GMNC: variants seen among roughly 807,000 people sequenced by gnomAD.
GMNC encodes the protein geminin coiled-coil domain containing, also known as geminin coiled-coil domain-containing protein 1.
Under a neutral mutation model 33.6 loss-of-function variants are expected in GMNC, and 16 were observed. The ratio of observed to expected loss-of-function variants is 0.48; its 90% CI spans 0.32 to 0.72. The LOEUF is 0.72. GMNC is among the 30% of genes least tolerant of loss of function. The probability of loss-of-function intolerance (pLI) is 0.03; values close to 1 mark genes in which losing one functional copy is unlikely to be tolerated. For synonymous variants in GMNC, 156 were observed against 147.3 expected (o/e 1.06, Z -0.43); for missense variants, 393 against 388.9 (o/e 1.01, Z -0.09).
downstream of GMNC, among the ~76,000 whole-genome samples, chr3:190,850,978 A>C (rs892354032): frequency 4.6e-5 from 7 of 152,112 alleles, no homozygotes; most frequent in African/African-American, 1.7e-4. Context: ...AGGAAAAAAA[A>C]ATACCACTGT....
At chr3:190,846,182 T>TGCATCACTGCACTCCAACCTG in the GMNC span, among the ~76,000 whole-genome samples, 1 of 151,948 alleles carries the variant, frequency 6.6e-6, no homozygotes, top group African/African-American at 2.4e-5. Flanking sequence ...TAGCCAAGAT[T>TGCATCACTGCACTCCAACCTG]GCATCACTGC....
At position 190,854,540 on chromosome 3, in the gene GMNC, A is replaced by C. The variant is rs933577636; in HGVS notation, c.*755T>G. ...ACTAGTTTTGTTACCACAGTCCCTC[A>C]AAATGTTCTTCTTGGAGTCATGTTG... is the stretch of plus-strand genomic sequence containing the variant. On this transcript the variant is annotated 3_prime_UTR_variant, in exon 5 of 5. Transcript: ENST00000442080. 5 of 152,208 alleles carry C rather than the reference A, an allele frequency of 3.3e-5. No homozygotes were observed. The highest frequency in any genetic ancestry group is 2.9e-5 in the Non-Finnish European group (2 of 68,042). 9.4% of individuals were successfully genotyped at this position (152,208 alleles called of 1,614,324 possible). A position where few individuals can be genotyped will look rare whatever the true frequency, so the allele number is the denominator to read the frequency against.
rs573191658 is a variant in GMNC, at chr3:190,859,298, A to G, written c.179-282T>C. On this transcript the variant is annotated intron_variant, in intron 2 of 4. Coordinates refer to ENST00000442080, the MANE Select transcript of GMNC (RefSeq NM_001146686.3). ...CCTAATATATGTATTCCTGCTGGATAAATTAAAGACTGTCCAGTCTTTGTC... is the reference window on the plus strand; with the variant it reads ...CCTAATATATGTATTCCTGCTGGATGAATTAAAGACTGTCCAGTCTTTGTC... Among the ~76,000 whole-genome samples, 20 of 152,318 alleles carry G rather than the reference A, an allele frequency of 1.3e-4. 1 individual carries two copies. The South Asian group carries it at 4.1e-3, about 32-fold the overall frequency.
At position 190,853,701 on chromosome 3, in the gene GMNC, T is replaced by A. The variant is rs1017213693; in HGVS notation, c.*1594A>T. On this transcript the variant is annotated 3_prime_UTR_variant, in exon 5 of 5. Coordinates refer to ENST00000442080, the MANE Select transcript of GMNC (RefSeq NM_001146686.3). Reference sequence around the variant, plus strand: ...AGAAAAATGAGAACAGGTTTCAACATGAAAGATTTCATCATTAATTGAAGT... The same window carrying A: ...AGAAAAATGAGAACAGGTTTCAACAAGAAAGATTTCATCATTAATTGAAGT... 1 of 152,054 alleles carries A rather than the reference T, an allele frequency of 6.6e-6. No individual in the cohort carries two copies. The highest frequency in any genetic ancestry group is 2.4e-5 in the African/African-American group (1 of 41,398). 9.4% of individuals were successfully genotyped at this position (152,054 alleles called of 1,614,324 possible). A position where few individuals can be genotyped will look rare whatever the true frequency, so the allele number is the denominator to read the frequency against.
In GMNC at chr3:190,855,935, A is replaced by C. The variant is rs1474593181; in HGVS notation, c.385-20T>G. The C allele has an allele frequency of 6.7e-7, 1 of 1,500,192 alleles. No homozygotes were observed. Among genetic ancestry groups the C allele is most frequent in the Non-Finnish European group, 8.9e-7 (1 of 1,123,054 alleles). The allele number at this position is 1,500,192 out of a possible 1,614,324, so 92.9% of individuals were successfully genotyped here. A position where few individuals can be genotyped will look rare whatever the true frequency, so the allele number is the denominator to read the frequency against. ...CAATTTCTAGGGAAGTGATATTTGA[A>C]AGTTATACTTTTTTCATATATTTAC... On this transcript the variant is annotated intron_variant, in intron 4 of 4. Coordinates refer to ENST00000442080, the MANE Select transcript of GMNC (RefSeq NM_001146686.3).
At chr3:190,849,202 T>G (rs1577907614), downstream of GMNC, among the ~76,000 whole-genome samples, 1 of 152,302 alleles carries the variant, frequency 6.6e-6, no homozygotes, top group Non-Finnish European at 1.5e-5. Context: ...CTAGTCATGG[T>G]TCTGAAAAAC....
the GMNC span, among the ~76,000 whole-genome samples, chr3:190,847,022 A>T: frequency 6.6e-6 from 1 of 152,180 alleles, no homozygotes; most frequent in East Asian, 1.9e-4. Context: ...TCTTTTCTTG[A>T]CATACTTTAT....
At chr3:190,857,725 T>C in intron 4 of GMNC, 58 bp downstream of exon 4, 4 of 870,136 alleles carry the variant, frequency 4.6e-6, no homozygotes, top group Non-Finnish European at 7.6e-6. Flanking sequence ...ACATAAATCA[T>C]TTCCTTTCTC....
At chr3:190,848,378 A>G (rs1204350184), downstream of GMNC, among the ~76,000 whole-genome samples, 1 of 152,136 alleles carries the variant, frequency 6.6e-6, no homozygotes, top group Non-Finnish European at 1.5e-5. Context: ...TTCTACCTCT[A>G]TGTCTACTTG....
chr3:190,858,130 A>G, intron 3 of GMNC: 2 of 462,764 alleles, frequency 4.3e-6, no homozygotes, highest in Non-Finnish European at 7.7e-6. Flanking sequence ...TGGAGAGATT[A>G]TAATAGACTT....
Position 190,853,143 on chromosome 3 carries a change from G to A in GMNC, c.*2152C>T, listed in dbSNP as rs925541020. 6.6e-6 allele frequency: 1 copy of A among 152,116 alleles called. No homozygotes were observed. The highest frequency in any genetic ancestry group is 1.5e-5 in the Non-Finnish European group (1 of 67,986). 9.4% of individuals were successfully genotyped at this position (152,116 alleles called of 1,614,324 possible). A position where few individuals can be genotyped will look rare whatever the true frequency, so the allele number is the denominator to read the frequency against. The stretch of plus-strand genomic sequence containing the variant: ...TGGTTTTGTATACCAAATGCATTGT[G>A]CTAAGCCTGGGTGTACCCTCATGGT... On this transcript the variant is annotated 3_prime_UTR_variant, in exon 5 of 5. Transcript: ENST00000442080.
In GMNC at chr3:190,855,368, T is replaced by A. The variant is rs991154623; in HGVS notation, c.932A>T (p.His311Leu). The change falls in exon 5 of 5, where the codon CAC (histidine) becomes CTC (leucine). Residue 311 changes from histidine to leucine, a missense_variant. Transcript: ENST00000442080. Reference sequence around the variant, plus strand: ...TCGACGCACAAAGGCTTGTCCCTGGTGGAAGGAATGAGTTTTCACATTACA... The same window carrying A: ...TCGACGCACAAAGGCTTGTCCCTGGAGGAAGGAATGAGTTTTCACATTACA... ...PHCNVKTHSF[H>L]QGQAFVRRDE... is the part of the protein sequence containing the mutation. The A allele has an allele frequency of 6.4e-7, 1 of 1,551,782 alleles. No homozygotes were observed. The highest frequency in any genetic ancestry group is 1.4e-5 in the African/African-American group (1 of 72,990).
At chr3:190,850,065 G>A (rs1737609673), downstream of GMNC, among the ~76,000 whole-genome samples, 2 of 152,198 alleles carry the variant, frequency 1.3e-5, no homozygotes, top group Middle Eastern at 3.4e-3. Context: ...GACCATGATA[G>A]CCCGCTTTTC....
chr3:190,850,006 A>G (rs1053245162), downstream of GMNC, among the ~76,000 whole-genome samples: 1 of 152,158 alleles, frequency 6.6e-6, no homozygotes, highest in Non-Finnish European at 1.5e-5. Context: ...AAACAGATTT[A>G]TTTCCCTTTA....
intron 2 of GMNC, 51 bp from the exon 3 acceptor site, chr3:190,859,067 T>A: frequency 8.8e-7 from 1 of 1,133,594 alleles, no homozygotes; most frequent in Non-Finnish European, 1.3e-6. Context: ...AGTTTCTGTG[T>A]AATAAAGAAA....
Position 190,853,359 on chromosome 3 carries a change from G to A in GMNC, c.*1936C>T, listed in dbSNP as rs528911681. ...AAAAGCGACAAATTTCACCGACCAG[G>A]GGCCCAGATACCAGAATGTAAAAGG... On this transcript the variant is annotated 3_prime_UTR_variant, in exon 5 of 5. Coordinates refer to ENST00000442080, the MANE Select transcript of GMNC (RefSeq NM_001146686.3). 2 of 151,822 alleles carry A rather than the reference G, an allele frequency of 1.3e-5. No individual in the cohort carries two copies. The highest frequency in any genetic ancestry group is 1.3e-4 in the Admixed American group (2 of 15,228). 9.4% of individuals were successfully genotyped at this position (151,822 alleles called of 1,614,324 possible).
downstream of GMNC, among the ~76,000 whole-genome samples, chr3:190,850,677 G>C (rs73192248): frequency 0.034 from 5,249 of 152,238 alleles, 132 homozygotes; most frequent in Admixed American, 0.048. Context: ...GTGTCCGCGA[G>C]CCTAATCTTT....
downstream of GMNC, among the ~76,000 whole-genome samples, chr3:190,848,289 TA>T (rs1367453383): frequency 1.3e-5 from 2 of 152,226 alleles, no homozygotes; most frequent in African/African-American, 4.8e-5. Flanking sequence ...CACCATTTTA[TA>T]AAAACCTACC....
At chr3:190,850,524 G>A (rs980259511), downstream of GMNC, among the ~76,000 whole-genome samples, 1 of 152,238 alleles carries the variant, frequency 6.6e-6, no homozygotes, top group African/African-American at 2.4e-5. Flanking sequence ...TTGCAGGAGT[G>A]AGGAGCCTGG....
Sources: gnomAD v4.1 joint callset for allele counts (sites outside exome capture counted in the v4.1 genomes callset) on GRCh38, gnomAD v4.1.1 for gene constraint, MANE v1.5 for transcripts, NCBI Gene and HGNC (gene_info 2026-07-23, HGNC 2026-07-21) for gene names.